DLGAP2: variants seen among roughly 807,000 people sequenced by gnomAD.
The protein encoded by DLGAP2 is disks large-associated protein 2.
In DLGAP2, 26 loss-of-function variants were observed where a neutral mutation model predicts 100.3. The ratio of observed to expected loss-of-function variants is 0.26; its 90% CI spans 0.19 to 0.36. The LOEUF (loss-of-function observed/expected upper bound fraction) is 0.36. Ranked by LOEUF, DLGAP2 falls within the 10% of genes least tolerant of loss-of-function variation. DLGAP2 has a pLI of 1.00. For missense variants in DLGAP2, 1,858 were observed against 1,453.2 expected (o/e 1.28, Z -4.53); for synonymous variants, 886 against 630.1 (o/e 1.41, Z -6.08).
At chr8:1,633,096 C>G in intron 8 of DLGAP2, 50 bp downstream of exon 8, 1 of 1,584,262 alleles carries the variant, frequency 6.3e-7, no homozygotes, top group Non-Finnish European at 8.7e-7. Context: ...AGAGGCATAC[C>G]TGTCTTCATC....
intron 3 of DLGAP2, among the ~76,000 whole-genome samples, chr8:1,499,463 G>A (rs915604827): frequency 1.3e-5 from 2 of 152,178 alleles, no homozygotes; most frequent in Admixed American, 6.5e-5. Context: ...CACATATGAC[G>A]ATGGTCTCCA....
At chr8:1,404,106 T>A (rs1449629449) in intron 3 of DLGAP2, among the ~76,000 whole-genome samples, 4 of 6,406 alleles carry the variant, frequency 6.2e-4, no homozygotes, top group Non-Finnish European at 7.6e-4. Context: ...CTCATCCTCC[T>A]GAGTCGTGTA....
At position 1,303,402 on chromosome 8, in the gene DLGAP2, C is replaced by CAA. The variant is rs374350701; in HGVS notation, c.106+44543_106+44544dup. Among the ~76,000 whole-genome samples the CAA allele has an allele frequency of 1.7e-3, 213 of 125,244 alleles. 2 individuals are homozygous for CAA. The highest frequency in any genetic ancestry group is 2.1e-3 in the South Asian group (7 of 3,344). The allele number at this position is 125,244 out of a possible 152,430, so 82.2% of individuals were successfully genotyped here. On this transcript the variant is annotated intron_variant, in intron 3 of 14. Coordinates refer to ENST00000637795, the MANE Select transcript of DLGAP2 (RefSeq NM_001346810.2). ...ACAGAGCGAGACTCCGTCTCAAAAA[C>CAA]AAAAAAAAAAAAAAAAAAAAAAAAA... is the stretch of plus-strand genomic sequence containing the variant.
intron 3 of DLGAP2, among the ~76,000 whole-genome samples, chr8:1,496,615 G>A (rs1204222587): frequency 6.6e-6 from 1 of 152,166 alleles, no homozygotes; most frequent in East Asian, 1.9e-4. Context: ...GGCGCCCTAT[G>A]TTTGATTAAG....
intron 7 of DLGAP2, among the ~76,000 whole-genome samples, chr8:1,631,254 T>A (rs1178357003): frequency 6.6e-6 from 1 of 152,026 alleles, no homozygotes; most frequent in Admixed American, 6.5e-5. Flanking sequence ...GAAATGCACA[T>A]ACCAGGTTAA....
rs1292720010 is a variant in DLGAP2 at position 1,678,613 on chromosome 8, C to T, written c.2688C>T (p.Asn896=). 8.4e-6 allele frequency: 13 copies of T among 1,551,316 alleles called. No individual in the cohort carries two copies. Among genetic ancestry groups the T allele is most frequent in the East Asian group, 2.4e-5 (1 of 41,782 alleles). Residue 896 remains asparagine (N), a synonymous_variant, in exon 12 of 15, where the codon AAC becomes AAT. Coordinates refer to ENST00000637795, the MANE Select transcript of DLGAP2 (RefSeq NM_001346810.2). ...AGATGGAGAGAGAGGCGGAGGAGAA[C>T]GACCTCTCGGAGGAAAGTAAGAGCT... ...CKEMEREAEE[N]DLSEEILGKI...
intron 2 of DLGAP2, among the ~76,000 whole-genome samples, chr8:1,205,750 G>A (rs1797976152): frequency 6.6e-6 from 1 of 152,182 alleles, no homozygotes; most frequent in South Asian, 2.1e-4. Flanking sequence ...CTTGTGATGG[G>A]GGCGGGAGAC....
chr8:1,337,412 T>C (rs1563091406), intron 3 of DLGAP2, among the ~76,000 whole-genome samples: 8 of 60,468 alleles, frequency 1.3e-4, no homozygotes, highest in South Asian at 3.4e-4. Context: ...ATGATGGTGA[T>C]GGTGAGGATG....
chr8:1,223,909 C>T (rs1260468283), intron 2 of DLGAP2, among the ~76,000 whole-genome samples: 2 of 152,186 alleles, frequency 1.3e-5, no homozygotes, highest in African/African-American at 4.8e-5. Flanking sequence ...TGGAGAAAAA[C>T]AGAAGACATA....
intron 2 of DLGAP2, among the ~76,000 whole-genome samples, chr8:1,214,634 A>C (rs375163845): frequency 6.6e-6 from 1 of 151,990 alleles, no homozygotes; most frequent in South Asian, 2.1e-4. Flanking sequence ...CTTCTTCCCT[A>C]TTGTCTGTTT....
intron 3 of DLGAP2, among the ~76,000 whole-genome samples, chr8:1,359,847 C>G (rs1163109650): frequency 6.6e-6 from 1 of 152,174 alleles, no homozygotes; most frequent in Non-Finnish European, 1.5e-5. Context: ...ATAAGCCTTG[C>G]TAGATGAAGA....
intron 12 of DLGAP2, among the ~76,000 whole-genome samples, chr8:1,682,826 C>G (rs1430463101): frequency 6.6e-6 from 1 of 151,564 alleles, no homozygotes; most frequent in Non-Finnish European, 1.5e-5. Flanking sequence ...ATCTGAAAAA[C>G]TATTTTTCTT....
chr8:1,349,830 C>G (rs1801666116), intron 3 of DLGAP2, among the ~76,000 whole-genome samples: 1 of 152,374 alleles, frequency 6.6e-6, no homozygotes, highest in African/African-American at 2.4e-5. Flanking sequence ...ATTGCTCTAA[C>G]AACTTTTGTT....
chr8:1,500,395 C>T (rs1474182283), intron 3 of DLGAP2, among the ~76,000 whole-genome samples: 3 of 152,182 alleles, frequency 2.0e-5, no homozygotes, highest in East Asian at 1.9e-4. Flanking sequence ...TGAGATCCAG[C>T]TGTGTCTGCA....
At chr8:1,655,876 C>T (rs768555100) in intron 8 of DLGAP2, among the ~76,000 whole-genome samples, 1 of 152,224 alleles carries the variant, frequency 6.6e-6, no homozygotes, top group African/African-American at 2.4e-5. Flanking sequence ...TCCTAGACAG[C>T]GCTGCCAGCA....
intron 4 of DLGAP2, 91 bp downstream of exon 4, chr8:1,501,522 A>G: frequency 3.2e-6 from 4 of 1,251,162 alleles, no homozygotes; most frequent in Non-Finnish European, 4.4e-6. Context: ...CGTCCCACAA[A>G]CACACGTTAG....
chr8:1,411,536 G>A lies in DLGAP2; in HGVS notation c.107-89830G>A, dbSNP rs372413894. On this transcript the variant is annotated intron_variant, in intron 3 of 14. Coordinates refer to ENST00000637795, the MANE Select transcript of DLGAP2 (RefSeq NM_001346810.2). ...TGGCAGGAAGACGGAGTCATAAACTGTGCCGGTAGAGCCTTGGGCAGATTA... is the reference window on the plus strand; with the variant it reads ...TGGCAGGAAGACGGAGTCATAAACTATGCCGGTAGAGCCTTGGGCAGATTA... Among the ~76,000 whole-genome samples, 13 of 152,296 alleles carry A rather than the reference G, an allele frequency of 8.5e-5. No individual in the cohort carries two copies. In the South Asian group the frequency reaches 2.5e-3, roughly 29 times the overall value.
At chr8:1,307,370 C>T (rs1585243887) in intron 3 of DLGAP2, among the ~76,000 whole-genome samples, 1 of 152,302 alleles carries the variant, frequency 6.6e-6, no homozygotes, top group South Asian at 2.1e-4. Context: ...AAGAAAAGAA[C>T]AGGTGTTGGC....
intron 1 of DLGAP2, among the ~76,000 whole-genome samples, chr8:860,458 G>C (rs1797367499): frequency 6.6e-6 from 1 of 152,168 alleles, no homozygotes; most frequent in African/African-American, 2.4e-5. Flanking sequence ...TGTCCCAATG[G>C]AATGAATTTC....
Sources: gnomAD v4.1 joint callset for allele counts (sites outside exome capture counted in the v4.1 genomes callset) on GRCh38, gnomAD v4.1.1 for gene constraint, MANE v1.5 for transcripts, NCBI Gene and HGNC (gene_info 2026-07-23, HGNC 2026-07-21) for gene names.